TMEM132E: variants seen among roughly 807,000 people sequenced by gnomAD.
TMEM132E encodes transmembrane protein 132E.
In TMEM132E, 49 loss-of-function variants were observed where a neutral mutation model predicts 78.5. That is an observed-to-expected ratio of 0.62 (90% CI 0.50 to 0.79). The LOEUF is 0.79. Among genes scored for constraint, TMEM132E ranks in the 30% least tolerant of loss-of-function variants. The pLI is 0.00. For missense variants in TMEM132E, 1,403 were observed against 1,470.9 expected, an observed-to-expected ratio of 0.95 and a Z score of 0.75; for synonymous variants, 715 against 670.6, an observed-to-expected ratio of 1.07 and a Z score of -1.02.
chr17:34,606,329 A>G (rs1232459862), intron 1 of TMEM132E, among the ~76,000 whole-genome samples: 1 of 152,222 alleles, frequency 6.6e-6, no homozygotes, highest in Non-Finnish European at 1.5e-5. Context: ...CCTGGGCAAC[A>G]AGAGCGAAAC....
chr17:34,596,157 G>A (rs1906053724), intron 1 of TMEM132E, among the ~76,000 whole-genome samples: 1 of 152,126 alleles, frequency 6.6e-6, no homozygotes, highest in African/African-American at 2.4e-5. Flanking sequence ...CCCCTGTCTG[G>A]GGTGTGGCAA....
intron 1 of TMEM132E, among the ~76,000 whole-genome samples, chr17:34,594,883 T>C (rs9889225): frequency 0.19 from 29,250 of 152,200 alleles, 3,175 homozygotes; most frequent in South Asian, 0.32. Flanking sequence ...GTTACAGGTG[T>C]GAGCATGTTT....
At chr17:34,619,119 T>G (rs529708317) in intron 1 of TMEM132E, among the ~76,000 whole-genome samples, 6 of 152,356 alleles carry the variant, frequency 3.9e-5, no homozygotes, top group African/African-American at 1.2e-4. Flanking sequence ...TCTGGCCTCT[T>G]CATCATGGAC....
intron 1 of TMEM132E, among the ~76,000 whole-genome samples, chr17:34,620,119 C>T (rs547995798): frequency 6.8e-4 from 103 of 152,292 alleles, no homozygotes; most frequent in Middle Eastern, 3.4e-3. Flanking sequence ...CTAGCCTGCC[C>T]GGCCCTAGCT....
intron 1 of TMEM132E, among the ~76,000 whole-genome samples, chr17:34,599,281 C>T (rs1906155510): frequency 6.6e-6 from 1 of 152,196 alleles, no homozygotes; most frequent in African/African-American, 2.4e-5. Flanking sequence ...ATTCTAGAAA[C>T]CTGCATAAGG....
Position 34,638,126 on chromosome 17 carries a change from A to T in TMEM132E, c.3119A>T (p.Glu1040Val), listed in dbSNP as rs761611049. Residue 1040 changes from glutamate (E) to valine (V), a missense_variant, in exon 9 of 9, where the codon GAG (glutamate) becomes GTG (valine). By Grantham distance (121) the Glu-to-Val change is moderately radical (BLOSUM62 -2). Around this residue, in one of 3 missense-constraint regions of TMEM132E, gnomAD observed 888 missense variants for 952.8 expected, o/e 0.93. Transcript: ENST00000631683. The stretch of plus-strand genomic sequence containing the variant: ...CCCGCGGGCGAAGAGGACGAGGAGG[A>T]GGAAGAGGACCTGGGTTGGGGCTGC... ...SVPAGEEDEE[E>V]EEDLGWGCPD... 1 of 1,607,290 alleles carries T rather than the reference A, an allele frequency of 6.2e-7. No homozygotes were observed. Among genetic ancestry groups the T allele is most frequent in the South Asian group, 1.1e-5 (1 of 90,048 alleles).
At chr17:34,582,161 GGC>G (rs1425740222) in intron 1 of TMEM132E, among the ~76,000 whole-genome samples, 18 of 152,076 alleles carry the variant, frequency 1.2e-4, no homozygotes, top group African/African-American at 4.1e-4. Flanking sequence ...GGGGTTGGGG[GGC>G]GGGGGTGTTT....
rs778543780 is a variant in TMEM132E, at chr17:34,630,151, G to A, written c.1482G>A (p.Lys494=). The stretch of plus-strand genomic sequence containing the variant: ...AGTCTGACAATGAAGACATCATCAA[G>A]GTGGGCATCCTGGAGGTGGGGCCCC... The part of the protein sequence containing the change: ...ECESDNEDII[K]VSSSCDYVFV... The change falls in exon 5 of 9, where the codon AAG becomes AAA. Residue 494 remains lysine (K), a splice_region_variant and synonymous_variant. Coordinates refer to ENST00000631683, the MANE Select transcript of TMEM132E (RefSeq NM_001304438.2). 3 of 1,608,696 alleles carry A rather than the reference G, an allele frequency of 1.9e-6. No individual in the cohort carries two copies. Among genetic ancestry groups the A allele is most frequent in the Non-Finnish European group, 2.6e-6 (3 of 1,175,636 alleles).
In TMEM132E at chr17:34,629,208, A is replaced by G; in HGVS notation, c.1338+4A>G. The G allele has an allele frequency of 6.2e-7, 1 of 1,613,584 alleles. No homozygotes were observed. The highest frequency in any genetic ancestry group is 8.5e-7 in the Non-Finnish European group (1 of 1,179,822). On this transcript the variant is annotated splice_donor_region_variant and intron_variant, in intron 4 of 8. Coordinates refer to ENST00000631683, the MANE Select transcript of TMEM132E (RefSeq NM_001304438.2). ...AGCCATCCTGCCCCTGGCCATGGTG[A>G]GCAGGCAGGTGACCAGCCCAGAAGA...
chr17:34,632,644 G>A lies in TMEM132E; in HGVS notation c.1483-60G>A, dbSNP rs148995007. On this transcript the variant is annotated intron_variant, in intron 5 of 8. Coordinates refer to ENST00000631683, the MANE Select transcript of TMEM132E (RefSeq NM_001304438.2). ...CCTGGTTGTCAGACTGAAGTCCTCC[G>A]CACTGCCTCACAGGAAGACCTGTAG... 178 of 1,588,254 alleles carry A rather than the reference G, an allele frequency of 1.1e-4. No individual in the cohort carries two copies. The Admixed American group carries it at 1.8e-3, about 16-fold the overall frequency.
intron 1 of TMEM132E, among the ~76,000 whole-genome samples, chr17:34,599,781 G>A (rs978133778): frequency 2.0e-5 from 3 of 152,220 alleles, no homozygotes; most frequent in Non-Finnish European, 4.4e-5. Context: ...TCAAGCCTGA[G>A]CCTCACTCAC....
chr17:34,635,738 A>C, intron 7 of TMEM132E: 1 of 355,686 alleles, frequency 2.8e-6, no homozygotes, highest in Non-Finnish European at 5.0e-6. Flanking sequence ...ACTAGTCACC[A>C]TGCGGGGGTT....
At chr17:34,637,090 C>T in intron 8 of TMEM132E, 87 bp from the exon 9 acceptor site, 1 of 1,217,454 alleles carries the variant, frequency 8.2e-7, no homozygotes, top group South Asian at 1.4e-5. Flanking sequence ...GACCCGTGGT[C>T]CCTGCCCCTA....
intron 1 of TMEM132E, among the ~76,000 whole-genome samples, chr17:34,613,245 C>T (rs1004264952): frequency 1.4e-5 from 2 of 140,066 alleles, no homozygotes; most frequent in African/African-American, 2.5e-5. Flanking sequence ...ATTCTTTTTC[C>T]GTTGTTTGCG....
intron 1 of TMEM132E, among the ~76,000 whole-genome samples, chr17:34,624,620 T>A (rs866629421): frequency 1.3e-5 from 2 of 152,084 alleles, no homozygotes; most frequent in African/African-American, 4.8e-5. Flanking sequence ...GGAGGGGAGA[T>A]AAGGCAGCAG....
chr17:34,604,495 C>G (rs1435246594), intron 1 of TMEM132E, among the ~76,000 whole-genome samples: 2 of 152,204 alleles, frequency 1.3e-5, no homozygotes, highest in African/African-American at 4.8e-5. Context: ...GCATCCAAGG[C>G]CCCTGTGATC....
intron 1 of TMEM132E, among the ~76,000 whole-genome samples, chr17:34,615,737 C>T (rs765449834): frequency 2.5e-4 from 38 of 151,724 alleles, no homozygotes; most frequent in Non-Finnish European, 4.7e-4. Context: ...CAAGAGGATT[C>T]GCATTGGGTT....
chr17:34,622,143 T>C (rs758663029), intron 1 of TMEM132E, among the ~76,000 whole-genome samples: 6 of 152,196 alleles, frequency 3.9e-5, no homozygotes, highest in Non-Finnish European at 7.3e-5. Flanking sequence ...ACATATTTAG[T>C]GTCTCTGAAA....
chr17:34,606,914 C>G (rs1906432434), intron 1 of TMEM132E, among the ~76,000 whole-genome samples: 1 of 152,312 alleles, frequency 6.6e-6, no homozygotes, highest in East Asian at 1.9e-4. Context: ...CCTTCCTTTC[C>G]TCCTCCGCCT....
Sources: gnomAD v4.1 joint callset for allele counts (sites outside exome capture counted in the v4.1 genomes callset) on GRCh38, gnomAD v4.1.1 for gene constraint, gnomAD v4.1.1 regional missense constraint, MANE v1.5 for transcripts, NCBI Gene and HGNC (gene_info 2026-07-23, HGNC 2026-07-21) for gene names.